Variants in VOPP1 observed in about 807,000 individuals in gnomAD.
The protein encoded by VOPP1 is WW domain binding protein VOPP1.
A neutral mutation model predicts 23.5 loss-of-function variants in VOPP1; 8 were observed. The observed-to-expected ratio is 0.34, with a 90% CI of 0.20 to 0.61. VOPP1 has a LOEUF of 0.61. VOPP1 is among the 20% of genes least tolerant of loss of function. The pLI, the probability that VOPP1 is intolerant of heterozygous loss-of-function variation, is 0.78. For missense variants in VOPP1, 174 were observed against 238.1 expected (o/e 0.73, Z 1.77); for synonymous variants, 83 against 97.3 (o/e 0.85, Z 0.86).
chr7:55,437,751 G>GT (rs1274029524), intron 4 of VOPP1, among the ~76,000 whole-genome samples: 1 of 151,904 alleles, frequency 6.6e-6, no homozygotes, highest in Non-Finnish European at 1.5e-5. Context: ...TCTTTCTTCT[G>GT]TTTTACACCC....
downstream of VOPP1, among the ~76,000 whole-genome samples, chr7:55,469,723 G>A (rs1791726659): frequency 6.6e-6 from 1 of 152,166 alleles, no homozygotes; most frequent in African/African-American, 2.4e-5. Flanking sequence ...AGAACTGTAT[G>A]GCCTACTAAT....
chr7:55,482,277 A>T (rs1030283174), intron 4 of VOPP1, among the ~76,000 whole-genome samples: 1 of 152,024 alleles, frequency 6.6e-6, no homozygotes, highest in African/African-American at 2.4e-5. Context: ...CTCTTGAGGT[A>T]CATACATTAT....
intron 2 of VOPP1, among the ~76,000 whole-genome samples, chr7:55,518,082 G>A (rs1037103157): frequency 2.0e-5 from 3 of 152,172 alleles, no homozygotes; most frequent in Non-Finnish European, 4.4e-5. Context: ...GAGGTGAGCT[G>A]GCCTTGGGTA....
intron 4 of VOPP1, among the ~76,000 whole-genome samples, chr7:55,445,264 GACATACACACACAGACACACACACAC>G (rs1336322300): frequency 5.8e-5 from 5 of 85,998 alleles, no homozygotes; most frequent in Non-Finnish European, 1.3e-4. Flanking sequence ...CACACACACA[GACATACACACACAGACACACACACAC>G]ACAGACACAC....
intron 1 of VOPP1, among the ~76,000 whole-genome samples, chr7:55,539,899 G>GCACACACA (rs60831624): frequency 0.015 from 2,094 of 139,288 alleles, 29 homozygotes; most frequent in Non-Finnish European, 0.02. Context: ...CATAAGCGCT[G>GCACACACA]CACACACACA....
At chr7:55,511,131 A>G (rs1479081607) in intron 2 of VOPP1, among the ~76,000 whole-genome samples, 7 of 152,252 alleles carry the variant, frequency 4.6e-5, no homozygotes, top group Non-Finnish European at 7.3e-5. Context: ...GGGATGTTGC[A>G]GCAGAAAGGG....
At chr7:55,485,972 C>T (rs1008335736) in intron 4 of VOPP1, among the ~76,000 whole-genome samples, 3 of 152,200 alleles carry the variant, frequency 2.0e-5, no homozygotes, top group South Asian at 2.1e-4. Flanking sequence ...GCCAGCGAGG[C>T]GGGCGGGGGA....
intron 1 of VOPP1, among the ~76,000 whole-genome samples, chr7:55,568,596 C>G (rs990428751): frequency 1.3e-5 from 2 of 152,166 alleles, no homozygotes; most frequent in Admixed American, 6.5e-5. Flanking sequence ...TTTCTGGGCT[C>G]ACTTCAGTAA....
chr7:55,569,881 G>C (rs1006059388), intron 1 of VOPP1, among the ~76,000 whole-genome samples: 1 of 152,156 alleles, frequency 6.6e-6, no homozygotes, highest in Non-Finnish European at 1.5e-5. Context: ...TAGGGCCAGG[G>C]TGCTGGGGGT....
chr7:55,557,700 T>A (rs1797856070), intron 1 of VOPP1, among the ~76,000 whole-genome samples: 1 of 152,092 alleles, frequency 6.6e-6, no homozygotes, highest in African/African-American at 2.4e-5. Flanking sequence ...AACACATACA[T>A]AAGAAAGACA....
chr7:55,562,782 G>C (rs1453536324), intron 1 of VOPP1, among the ~76,000 whole-genome samples: 1 of 152,194 alleles, frequency 6.6e-6, no homozygotes, highest in Non-Finnish European at 1.5e-5. Context: ...GCAAGGTGGA[G>C]GCCTAGTGAG....
At chr7:55,453,765 G>GA (rs1342100793) in intron 4 of VOPP1, among the ~76,000 whole-genome samples, 2 of 152,042 alleles carry the variant, frequency 1.3e-5, no homozygotes, top group Non-Finnish European at 2.9e-5. Flanking sequence ...CATGCTGTTG[G>GA]AAAAAAATGG....
intron 1 of VOPP1, among the ~76,000 whole-genome samples, chr7:55,534,857 T>C (rs1469789926): frequency 6.6e-6 from 1 of 152,196 alleles, no homozygotes; most frequent in East Asian, 1.9e-4. Flanking sequence ...CCACATGCTG[T>C]CCCCAGTGCC....
In VOPP1 at chr7:55,479,078, G is replaced by T. The variant is rs947224696; in HGVS notation, c.329-6033C>A. Among the ~76,000 whole-genome samples, 3 of 152,008 alleles carry T rather than the reference G, an allele frequency of 2.0e-5. No homozygotes were observed. The East Asian group carries it at 5.8e-4, about 29-fold the overall frequency. ...TAAGAGACAATTCTTTCTTATTTTT[G>T]AAGCTGGCTGAATTGAGGTATGTGT... On this transcript the variant is annotated intron_variant, in intron 4 of 4. Transcript: ENST00000285279.
chr7:55,562,996 A>G (rs1262953984), intron 1 of VOPP1, among the ~76,000 whole-genome samples: 2 of 152,244 alleles, frequency 1.3e-5, no homozygotes, highest in African/African-American at 4.8e-5. Flanking sequence ...TACATGCCCT[A>G]ACTTGAAATA....
intron 2 of VOPP1, among the ~76,000 whole-genome samples, chr7:55,512,192 G>T (rs140189645): frequency 6.6e-6 from 1 of 152,168 alleles, no homozygotes; most frequent in Non-Finnish European, 1.5e-5. Context: ...TTGGGAGGCC[G>T]AGGCAGGCGG....
At chr7:55,436,677 C>T (rs1057089206) in intron 4 of VOPP1, among the ~76,000 whole-genome samples, 3 of 151,006 alleles carry the variant, frequency 2.0e-5, no homozygotes, top group East Asian at 1.9e-4. Flanking sequence ...CGTGCGTGTG[C>T]GTGTGTGCAT....
At chr7:55,479,650 G>A (rs574578760) in intron 4 of VOPP1, among the ~76,000 whole-genome samples, 1 of 152,252 alleles carries the variant, frequency 6.6e-6, no homozygotes, top group South Asian at 2.1e-4. Context: ...TTAAATATCA[G>A]TTATGATATT....
intron 4 of VOPP1, among the ~76,000 whole-genome samples, chr7:55,450,482 A>G (rs1791216115): frequency 6.6e-6 from 1 of 152,260 alleles, no homozygotes; most frequent in South Asian, 2.1e-4. Flanking sequence ...TGCATTGAGT[A>G]TGTGTTATAC....
Sources: gnomAD v4.1 joint callset for allele counts (sites outside exome capture counted in the v4.1 genomes callset) on GRCh38, gnomAD v4.1.1 for gene constraint, MANE v1.5 for transcripts, NCBI Gene and HGNC (gene_info 2026-07-23, HGNC 2026-07-21) for gene names.